The following SLC25A17 variants were observed in gnomAD, a reference collection of about 807,000 sequenced individuals.
SLC25A17 encodes the protein peroxisomal membrane protein PMP34.
In SLC25A17, 26 loss-of-function variants were observed where a neutral mutation model predicts 38.5. That is an observed-to-expected ratio of 0.68 (90% CI 0.50 to 0.94). The LOEUF (loss-of-function observed/expected upper bound fraction) is 0.94, where lower values mean the gene tolerates loss of function less well. Ranked by LOEUF, SLC25A17 falls within the 40% of genes least tolerant of loss-of-function variation. The pLI, the probability that SLC25A17 is intolerant of heterozygous loss-of-function variation, is 0.00. For synonymous variants in SLC25A17, 139 were observed against 136.2 expected, an observed-to-expected ratio of 1.02 and a Z score of -0.14; for missense variants, 333 against 372.7, an observed-to-expected ratio of 0.89 and a Z score of 0.88.
Position 40,792,639 on chromosome 22 carries a change from T to C in SLC25A17, c.220A>G (p.Ser74Gly), listed in dbSNP as rs1887219679. 4 of 1,614,046 alleles carry C rather than the reference T, an allele frequency of 2.5e-6. No individual in the cohort carries two copies. In the Admixed American group the frequency reaches 6.7e-5, roughly 27 times the overall value. Reference sequence around the variant, plus strand: ...TAGACAAAATTGGAGCAGCAGAGACTGGAAATCACTGGAAACCACCCTCGA... The same window carrying C: ...TAGACAAAATTGGAGCAGCAGAGACCGGAAATCACTGGAAACCACCCTCGA... ...PYRGWFPVIS[S>G]LCCSNFVYFY... The change falls in exon 4 of 9, where the codon AGT becomes GGT. Residue 74 changes from serine to glycine, a missense_variant. Coordinates refer to ENST00000435456, the MANE Select transcript of SLC25A17 (RefSeq NM_006358.4).
Position 40,794,511 on chromosome 22 carries a change from C to T in SLC25A17, c.182+3G>A, listed in dbSNP as rs747724638. ...AACGAAGGTGAACTGAGGTAGTACT[C>T]ACAGTCCTTCTTCTTTAATGATCTC... is the stretch of plus-strand genomic sequence containing the variant. On this transcript the variant is annotated splice_donor_region_variant and intron_variant, in intron 3 of 8. Transcript: ENST00000435456. 3.1e-6 allele frequency: 5 copies of T among 1,599,830 alleles called. No homozygotes were observed. Among genetic ancestry groups the T allele is most frequent in the South Asian group, 2.2e-5 (2 of 90,558 alleles).
chr22:40,802,442 C>T (rs71325194), intron 1 of SLC25A17, among the ~76,000 whole-genome samples: 1 of 151,918 alleles, frequency 6.6e-6, no homozygotes, highest in Non-Finnish European at 1.5e-5. Flanking sequence ...GTCAGGAGTT[C>T]GAGACCAGCC....
chr22:40,788,408 C>A (rs1300508803), intron 4 of SLC25A17, among the ~76,000 whole-genome samples: 2 of 152,138 alleles, frequency 1.3e-5, no homozygotes. Context: ...ATAATAAACA[C>A]TGGGCCGGGC....
chr22:40,779,304 T>C, intron 4 of SLC25A17, 179 bp from the exon 5 acceptor site: 1 of 1,444,570 alleles, frequency 6.9e-7, no homozygotes, highest in Non-Finnish European at 9.1e-7. Flanking sequence ...TTAGAAGCGA[T>C]TTGGAAGCTT....
chr22:40,793,200 A>G (rs1473530888), intron 3 of SLC25A17, among the ~76,000 whole-genome samples: 5 of 152,194 alleles, frequency 3.3e-5, no homozygotes, highest in Non-Finnish European at 7.3e-5. Flanking sequence ...CTGAGCCTAT[A>G]CCAATAATAA....
intron 8 of SLC25A17, among the ~76,000 whole-genome samples, chr22:40,772,947 T>C (rs1180534626): frequency 1.3e-5 from 2 of 152,174 alleles, no homozygotes; most frequent in African/African-American, 4.8e-5. Flanking sequence ...CTGCATATTT[T>C]ATTTTAATAA....
At chr22:40,800,027 T>G (rs148492684) in intron 1 of SLC25A17, among the ~76,000 whole-genome samples, 1 of 152,350 alleles carries the variant, frequency 6.6e-6, no homozygotes, top group African/African-American at 2.4e-5. Context: ...ATACTTTTAT[T>G]CTGTGCTTAA....
intron 1 of SLC25A17, among the ~76,000 whole-genome samples, chr22:40,808,109 T>G (rs1254261576): frequency 3.3e-5 from 5 of 152,162 alleles, no homozygotes; most frequent in African/African-American, 1.2e-4. Flanking sequence ...TCCATTATTT[T>G]GAGTCCCACA....
intron 7 of SLC25A17, among the ~76,000 whole-genome samples, chr22:40,775,654 G>A (rs1217306596): frequency 4.6e-5 from 7 of 150,766 alleles, no homozygotes; most frequent in African/African-American, 1.7e-4. Flanking sequence ...TAGTAGAGAC[G>A]GGGTTTCACC....
At chr22:40,798,494 G>A (rs535998098) in intron 2 of SLC25A17, among the ~76,000 whole-genome samples, 1 of 152,022 alleles carries the variant, frequency 6.6e-6, no homozygotes, top group African/African-American at 2.4e-5. Context: ...GTGGGAAAGG[G>A]GGTGAGCAAC....
intron 1 of SLC25A17, chr22:40,817,411 T>A (rs2057652794): frequency 6.6e-6 from 1 of 152,246 alleles, no homozygotes; most frequent in African/African-American, 2.4e-5. Context: ...GATTCTTCTG[T>A]CAGTCCATAC....
At chr22:40,782,221 AAACAAC>A (rs57313774) in intron 4 of SLC25A17, among the ~76,000 whole-genome samples, 13 of 150,008 alleles carry the variant, frequency 8.7e-5, no homozygotes, top group South Asian at 4.3e-4. Context: ...CCCCATCTCA[AAACAAC>A]AACAACAACA....
intron 1 of SLC25A17, among the ~76,000 whole-genome samples, chr22:40,804,541 A>G (rs940590021): frequency 6.6e-6 from 1 of 151,120 alleles, no homozygotes; most frequent in South Asian, 2.1e-4. Context: ...TCATTTTTTT[A>G]ATTATTTACT....
intron 1 of SLC25A17, among the ~76,000 whole-genome samples, chr22:40,817,818 A>C (rs1484247185): frequency 2.0e-5 from 3 of 152,036 alleles, no homozygotes; most frequent in African/African-American, 4.8e-5. Context: ...GGCCCCCTGA[A>C]ACCTATTTGC....
In SLC25A17 at chr22:40,819,292, G is replaced by T. The variant is rs771245405; in HGVS notation, c.-44C>A. 6.2e-7 allele frequency: 1 copy of T among 1,607,260 alleles called. No individual in the cohort carries two copies. The highest frequency in any genetic ancestry group is 1.1e-5 in the South Asian group (1 of 90,898). On this transcript the variant is annotated 5_prime_UTR_variant, in exon 1 of 9. Transcript: ENST00000435456. ...ACCCAGCCACACTTTTCCCACAGAT[G>T]CCGCAGCCAGTGGAGTTAGGAAAGG...
chr22:40,809,960 A>T (rs1191868002), intron 1 of SLC25A17, among the ~76,000 whole-genome samples: 1 of 152,214 alleles, frequency 6.6e-6, no homozygotes, highest in Non-Finnish European at 1.5e-5. Flanking sequence ...TATTAATTAT[A>T]TCCTACAATT....
intron 4 of SLC25A17, among the ~76,000 whole-genome samples, chr22:40,790,771 T>C (rs1416301323): frequency 6.6e-6 from 1 of 152,250 alleles, no homozygotes; most frequent in African/African-American, 2.4e-5. Flanking sequence ...GAAAGTTATA[T>C]GAGTTAGTCC....
intron 1 of SLC25A17, among the ~76,000 whole-genome samples, chr22:40,802,773 T>C (rs929071038): frequency 2.0e-5 from 3 of 152,172 alleles, no homozygotes; most frequent in African/African-American, 7.2e-5. Flanking sequence ...CAATGATTAA[T>C]AATGAGAACA....
chr22:40,772,786 G>A (rs970546506), intron 8 of SLC25A17, among the ~76,000 whole-genome samples: 3 of 151,872 alleles, frequency 2.0e-5, no homozygotes, highest in South Asian at 2.1e-4. Flanking sequence ...ACAGGTTTGT[G>A]CCACATGCTT....
Sources: gnomAD v4.1 joint callset for allele counts (sites outside exome capture counted in the v4.1 genomes callset) on GRCh38, gnomAD v4.1.1 for gene constraint, MANE v1.5 for transcripts, NCBI Gene and HGNC (gene_info 2026-07-23, HGNC 2026-07-21) for gene names.